The following TUSC3 variants were observed in gnomAD, a reference collection of about 807,000 sequenced individuals.
The protein encoded by TUSC3 is dolichyl-diphosphooligosaccharide--protein glycosyltransferase subunit TUSC3.
A neutral mutation model predicts 44.8 loss-of-function variants in TUSC3; 45 were observed. That is an observed-to-expected ratio of 1.00 (90% CI 0.79 to 1.29). TUSC3 has a LOEUF of 1.29. TUSC3 is among the 50% of genes most tolerant of loss of function. The pLI is 0.00. For missense variants in TUSC3, 519 were observed against 437.9 expected (o/e 1.19, Z -1.65); for synonymous variants, 212 against 152.9 (o/e 1.39, Z -2.85).
At chr8:15,618,338 C>G (rs1375982618) in intron 1 of TUSC3, among the ~76,000 whole-genome samples, 1 of 152,144 alleles carries the variant, frequency 6.6e-6, no homozygotes, top group African/African-American at 2.4e-5. Flanking sequence ...TAACAGTTAG[C>G]TTAAAATACA....
At chr8:15,485,455 C>T (rs866687793) in intron 2 of TUSC3, among the ~76,000 whole-genome samples, 1 of 140,358 alleles carries the variant, frequency 7.1e-6, no homozygotes, top group East Asian at 2.2e-4. Context: ...TGTCATTATA[C>T]TCTGTTGTCT....
chr8:15,476,648 A>T (rs879270775), intron 1 of TUSC3, among the ~76,000 whole-genome samples: 3 of 152,250 alleles, frequency 2.0e-5, no homozygotes, highest in African/African-American at 4.8e-5. Flanking sequence ...AAGCTGGGAA[A>T]GAATGAAGCA....
intron 3 of TUSC3, among the ~76,000 whole-genome samples, chr8:15,656,537 C>G (rs1172717688): frequency 6.6e-6 from 1 of 152,114 alleles, no homozygotes; most frequent in Non-Finnish European, 1.5e-5. Flanking sequence ...TTCCACGTCC[C>G]ATCATCTGGG....
At chr8:15,555,055 G>T (rs2129137866) in intron 1 of TUSC3, among the ~76,000 whole-genome samples, 1 of 150,240 alleles carries the variant, frequency 6.7e-6, no homozygotes, top group South Asian at 2.1e-4. Flanking sequence ...TATAGAGAAT[G>T]TAAGGAATTG....
chr8:15,845,439 G>C, the TUSC3 span, among the ~76,000 whole-genome samples: 1 of 150,970 alleles, frequency 6.6e-6, no homozygotes, highest in South Asian at 2.1e-4. Flanking sequence ...TTCAGGGAGA[G>C]AGTGACCAAA....
chr8:15,613,741 T>C (rs1804862563), intron 1 of TUSC3, among the ~76,000 whole-genome samples: 2 of 152,074 alleles, frequency 1.3e-5, no homozygotes, highest in South Asian at 4.1e-4. Flanking sequence ...TTTGTAAGAG[T>C]TGTATTATAT....
At chr8:15,457,954 A>G (rs1800283301) in intron 1 of TUSC3, among the ~76,000 whole-genome samples, 1 of 151,332 alleles carries the variant, frequency 6.6e-6, no homozygotes. Context: ...TCTTAATACA[A>G]TATTGAATAT....
intron 6 of TUSC3, among the ~76,000 whole-genome samples, chr8:15,723,919 C>A (rs889910639): frequency 1.3e-5 from 2 of 152,094 alleles, no homozygotes; most frequent in African/African-American, 4.8e-5. Context: ...CTATCTTATT[C>A]ACTTAGAATT....
At chr8:15,505,186 T>C (rs1485300940) in intron 2 of TUSC3, among the ~76,000 whole-genome samples, 1 of 152,216 alleles carries the variant, frequency 6.6e-6, no homozygotes. Flanking sequence ...TTTTCACAGA[T>C]GACTCAGGTT....
intron 1 of TUSC3, among the ~76,000 whole-genome samples, chr8:15,603,359 C>T (rs1318440779): frequency 6.6e-6 from 1 of 151,512 alleles, no homozygotes; most frequent in African/African-American, 2.4e-5. Context: ...AAAAGTCTGA[C>T]AGTGTTAGTG....
chr8:15,457,710 AAAT>A lies in TUSC3; in HGVS notation n.92-25669_92-25667del, dbSNP rs544350734. Among the ~76,000 whole-genome samples, 165 of 149,218 alleles carry A rather than the reference AAAT, an allele frequency of 1.1e-3. 1 individual carries two copies. The South Asian group carries it at 0.019, about 17-fold the overall frequency. On this transcript the variant is annotated intron_variant and non_coding_transcript_variant, in intron 1 of 5. Transcript: ENST00000503191. Reference sequence around the variant, plus strand: ...CACAAAATAAAATAATTTATTAGATAAATAATAATCTAATAAAATAAAATATCT... The same window carrying A: ...CACAAAATAAAATAATTTATTAGATAAATAATCTAATAAAATAAAATATCT...
Position 15,556,412 on chromosome 8 carries a change from A to G in TUSC3, c.138+15844A>G, listed in dbSNP as rs560267902. ...TTAATCCAGTCTATCATTGTTGGAC[A>G]TTTGGGTTGGTTCCAAGTCTTTGCT... On this transcript the variant is annotated intron_variant, in intron 1 of 10. Transcript: ENST00000503731. 1.6e-3 allele frequency among the ~76,000 whole-genome samples: 247 copies of G among 151,438 alleles called. 4 individuals carry two copies. Among genetic ancestry groups the G allele is most frequent in the Middle Eastern group, 3.4e-3 (1 of 292 alleles).
intron 3 of TUSC3, 166 bp downstream of exon 3, chr8:15,650,980 C>G (rs560204816): frequency 1.1e-4 from 61 of 578,668 alleles, no homozygotes; most frequent in African/African-American, 7.5e-4. Flanking sequence ...CAGAGCAAGA[C>G]TTTTACACAC....
intron 1 of TUSC3, among the ~76,000 whole-genome samples, chr8:15,618,566 C>G (rs747465276): frequency 6.6e-6 from 1 of 152,158 alleles, no homozygotes; most frequent in African/African-American, 2.4e-5. Flanking sequence ...AGTTATGGAA[C>G]TGTCATCTCC....
rs147817659 is a variant in TUSC3, at chr8:15,477,675, T to C, written n.92-5711T>C. On this transcript the variant is annotated intron_variant and non_coding_transcript_variant, in intron 1 of 5. Transcript: ENST00000503191. ...AGGCAGAGCTTTCAGTGAGCCAAGA[T>C]TGTGTACTGCACTCCAGCCTGGGCA... 1.8e-3 allele frequency among the ~76,000 whole-genome samples: 275 copies of C among 152,152 alleles called. 1 individual carries two copies. The East Asian group carries it at 0.025, about 14-fold the overall frequency.
At chr8:15,485,057 T>G (rs1267795866) in intron 2 of TUSC3, among the ~76,000 whole-genome samples, 3 of 152,188 alleles carry the variant, frequency 2.0e-5, no homozygotes, top group Non-Finnish European at 4.4e-5. Flanking sequence ...AGGTCATTCA[T>G]TTTTCATTTG....
At chr8:15,851,788 T>G in the TUSC3 span, among the ~76,000 whole-genome samples, 1 of 152,222 alleles carries the variant, frequency 6.6e-6, no homozygotes, top group Non-Finnish European at 1.5e-5. Flanking sequence ...TGATATGATT[T>G]GGCTGTATCT....
chr8:15,745,644 G>C (rs920656764), intron 8 of TUSC3, among the ~76,000 whole-genome samples: 4 of 151,094 alleles, frequency 2.6e-5, no homozygotes, highest in African/African-American at 9.7e-5. Flanking sequence ...TTTTTAATGG[G>C]GTTGTTTTTT....
chr8:15,444,297 G>C (rs919588328), intron 1 of TUSC3, among the ~76,000 whole-genome samples: 2 of 152,132 alleles, frequency 1.3e-5, no homozygotes, highest in Non-Finnish European at 2.9e-5. Flanking sequence ...TCAAGGAGAC[G>C]GTCATGATAG....
Sources: gnomAD v4.1 joint callset for allele counts (sites outside exome capture counted in the v4.1 genomes callset) on GRCh38, gnomAD v4.1.1 for gene constraint, MANE v1.5 for transcripts, NCBI Gene and HGNC (gene_info 2026-07-23, HGNC 2026-07-21) for gene names.